Variants in LRRC66 observed in about 807,000 individuals in gnomAD.
The protein encoded by LRRC66 is leucine rich repeat containing 66.
In LRRC66, 29 loss-of-function variants were observed where a neutral mutation model predicts 24.6. That is an observed-to-expected ratio of 1.18 (90% CI 0.88 to 1.61). The LOEUF is 1.61. LRRC66 is among the 40% of genes most tolerant of loss of function. The probability of loss-of-function intolerance (pLI) is 0.00; values close to 1 mark genes in which losing one functional copy is unlikely to be tolerated. For missense variants in LRRC66, 1,124 were observed against 1,058.0 expected, an observed-to-expected ratio of 1.06 and a Z score of -0.87; for synonymous variants, 411 against 397.6, an observed-to-expected ratio of 1.03 and a Z score of -0.40.
chr4:51,996,088 G>T lies in LRRC66; in HGVS notation c.934C>A (p.Arg312Ser). The T allele has an allele frequency of 3.7e-6, 6 of 1,614,040 alleles. No individual in the cohort carries two copies. Among genetic ancestry groups the T allele is most frequent in the South Asian group, 1.1e-5 (1 of 91,068 alleles). ...ETRLPPIHLH[R>S]MKSLIRSKAE... ...TTGCTCCTTATGAGGCTTTTCATGC[G>T]ATGCAGATGAATGGGAGGAAGGCGG... The change falls in exon 5 of 5, where the codon CGC becomes AGC. Residue 312 changes from arginine (R) to serine (S), a missense_variant. Transcript: ENST00000682860.
Position 51,994,897 on chromosome 4 carries a change from A to AC in LRRC66, c.2124dup (p.Ser709ValfsTer18), listed in dbSNP as rs757198076. On this transcript the variant is annotated frameshift_variant, in exon 5 of 5. Coordinates refer to ENST00000682860, the MANE Select transcript of LRRC66 (RefSeq NM_001024611.3). LOFTEE classifies it low-confidence loss of function (END_TRUNC). ...CTTATGGAGCTCAGAGTGAACAGAG[A>AC]CCCCTCATCAGAGTCACAGTCACTC... The AC allele has an allele frequency of 2.4e-5, 39 of 1,614,020 alleles. No individual in the cohort carries two copies. Among genetic ancestry groups the AC allele is most frequent in the Admixed American group, 3.3e-5 (2 of 60,014 alleles).
In LRRC66 at chr4:51,995,609, A is replaced by G. The variant is rs1282118208; in HGVS notation, c.1413T>C (p.Pro471=). The change falls in exon 5 of 5, where the codon CCT becomes CCC. Residue 471 remains proline, a synonymous_variant. Coordinates refer to ENST00000682860, the MANE Select transcript of LRRC66 (RefSeq NM_001024611.3). The part of the protein sequence containing the change: ...TQPHPHATVI[P]DRTLGRSRKD... ...TTCTGCTCCTTCCCAGAGTTCTATC[A>G]GGAATTACGGTGGCGTGTGGGTGTG... is the stretch of plus-strand genomic sequence containing the variant. 12 of 1,613,906 alleles carry G rather than the reference A, an allele frequency of 7.4e-6. No homozygotes were observed. The highest frequency in any genetic ancestry group is 9.3e-6 in the Non-Finnish European group (11 of 1,179,996).
chr4:51,998,260 C>T lies in LRRC66; in HGVS notation c.667-323G>A, dbSNP rs533076067. ...CCTTCTTTCCTGAGTGTAATTTGTA[C>T]TGTTAAATAAAACCTAGATACTCAT... On this transcript the variant is annotated intron_variant, in intron 3 of 4. Coordinates refer to ENST00000682860, the MANE Select transcript of LRRC66 (RefSeq NM_001024611.3). Among the ~76,000 whole-genome samples the T allele has an allele frequency of 5.3e-5, 8 of 152,192 alleles. No individual in the cohort carries two copies. In the South Asian group the frequency reaches 8.3e-4, roughly 16 times the overall value.
rs546272034 is a variant in LRRC66 at position 51,994,633 on chromosome 4, C to T, written c.2389G>A (p.Asp797Asn). 1 of 1,607,536 alleles carries T rather than the reference C, an allele frequency of 6.2e-7. No individual in the cohort carries two copies. Among genetic ancestry groups the T allele is most frequent in the Non-Finnish European group, 8.5e-7 (1 of 1,174,708 alleles). ...KTHLENASDT[D>N]RSEGLSPWPR... ...CAGGGTGACAGGCCCTCAGATCTAT[C>T]AGTGTCAGAGGCATTTTCCAGATGA... Residue 797 changes from aspartate (D) to asparagine (N), a missense_variant, in exon 5 of 5, where the codon GAT becomes AAT. Coordinates refer to ENST00000682860, the MANE Select transcript of LRRC66 (RefSeq NM_001024611.3).
rs1222572570 is a variant in LRRC66, at chr4:51,995,832, G to C, written c.1190C>G (p.Thr397Arg). 3 of 1,614,034 alleles carry C rather than the reference G, an allele frequency of 1.9e-6. No individual in the cohort carries two copies. Among genetic ancestry groups the C allele is most frequent in the Non-Finnish European group, 2.5e-6 (3 of 1,180,034 alleles). Residue 397 changes from threonine to arginine, a missense_variant, in exon 5 of 5, where the codon ACA (threonine) becomes AGA (arginine). Thr to Arg is a moderately conservative substitution (Grantham distance 71). Coordinates refer to ENST00000682860, the MANE Select transcript of LRRC66 (RefSeq NM_001024611.3). ...FLVAFSLGAF[T>R]RPYVDRLWQK... ...CCACAGTCTGTCAACATAAGGCCTTGTGAAAGCCCCCAGGCTGAAGGCGAC... is the reference window on the plus strand; with the variant it reads ...CCACAGTCTGTCAACATAAGGCCTTCTGAAAGCCCCCAGGCTGAAGGCGAC...
At chr4:52,012,642 G>A (rs892032146) in intron 2 of LRRC66, among the ~76,000 whole-genome samples, 14 of 152,276 alleles carry the variant, frequency 9.2e-5, no homozygotes, top group Admixed American at 2.6e-4. Context: ...GTGCATTCAC[G>A]GCTGGGGCTT....
At chr4:52,016,987 T>C (rs1736825619) in intron 2 of LRRC66, 131 bp downstream of exon 2, 3 of 985,342 alleles carry the variant, frequency 3.0e-6, no homozygotes, top group Admixed American at 5.1e-5. Context: ...AGAAACATTA[T>C]TATATGTGCT....
chr4:52,010,880 A>G (rs904546302), intron 2 of LRRC66, among the ~76,000 whole-genome samples: 2 of 152,328 alleles, frequency 1.3e-5, no homozygotes, highest in South Asian at 4.1e-4. Context: ...TGAACTTTTA[A>G]TATATACAAC....
rs760813747 is a variant in LRRC66, at chr4:52,017,228, A to G, written c.386T>C (p.Leu129Pro). 4 of 1,614,160 alleles carry G rather than the reference A, an allele frequency of 2.5e-6. No homozygotes were observed. Among genetic ancestry groups the G allele is most frequent in the Non-Finnish European group, 3.4e-6 (4 of 1,180,008 alleles). The change falls in exon 2 of 5, where the codon CTC (leucine) becomes CCC (proline). Residue 129 changes from leucine (L) to proline (P), a missense_variant. Physicochemically the swap from Leu to Pro is moderately conservative, Grantham distance 98. Coordinates refer to ENST00000682860, the MANE Select transcript of LRRC66 (RefSeq NM_001024611.3). ...NAIHSLSLDL[L>P]SPKSSWVKRH... ...TTTCACCCATGAGGACTTAGGACTG[A>G]GTAGATCCAATGAGAGGGAGTGGAT...
chr4:51,994,162 T>TC lies in LRRC66; in HGVS notation c.*216dup. The TC allele has an allele frequency of 2.0e-6, 1 of 508,254 alleles. No individual in the cohort carries two copies. The highest frequency in any genetic ancestry group is 3.4e-6 in the Non-Finnish European group (1 of 296,644). The allele number at this position is 508,254 out of a possible 1,614,324, so 31.5% of individuals were successfully genotyped here. A position where few individuals can be genotyped will look rare whatever the true frequency, so the allele number is the denominator to read the frequency against. Reference sequence around the variant, plus strand: ...TCTTTCACACTGAAGAGCAGGTTCATCCCCATAGGATGTTAACAAGTGTGT... The same window carrying TC: ...TCTTTCACACTGAAGAGCAGGTTCATCCCCCATAGGATGTTAACAAGTGTGT... On this transcript the variant is annotated 3_prime_UTR_variant, in exon 5 of 5. Transcript: ENST00000682860.
Position 51,997,816 on chromosome 4 carries a change from G to T in LRRC66, c.788C>A (p.Ala263Glu), listed in dbSNP as rs758078779. ...TTCAGAAATAAAATTTTGAAAGACT[G>T]CCACACTATCATCACACTGCCAGTT... ...DNNWQCDDSVAVFQNFISESW... is the reference protein window; with the variant it reads ...DNNWQCDDSVEVFQNFISESW... The change falls in exon 4 of 5, where the codon GCA becomes GAA. Residue 263 changes from alanine to glutamate, a missense_variant. By Grantham distance (107) the Ala-to-Glu change is moderately radical. Transcript: ENST00000682860. 3.1e-6 allele frequency: 5 copies of T among 1,614,056 alleles called. No homozygotes were observed. The highest frequency in any genetic ancestry group is 4.2e-6 in the Non-Finnish European group (5 of 1,179,986).
Position 52,017,171 on chromosome 4 carries a change from G to A in LRRC66, c.443C>T (p.Pro148Leu). 2 of 1,614,074 alleles carry A rather than the reference G, an allele frequency of 1.2e-6. No individual in the cohort carries two copies. The highest frequency in any genetic ancestry group is 1.7e-6 in the Non-Finnish European group (2 of 1,179,968). Reference protein sequence around the residue: ...RHRSSFRNRFPLLKVLILQRN... With the variant: ...RHRSSFRNRFLLLKVLILQRN... ...TTGAAGAATGAGCACCTTCAGCAAT[G>A]GAAACCTGTTTCTGAAGCTGCTTCT... The change falls in exon 2 of 5, where the codon CCA (proline) becomes CTA (leucine). Residue 148 changes from proline to leucine, a missense_variant. By Grantham distance (98) the Pro-to-Leu change is moderately conservative (BLOSUM62 -3). Transcript: ENST00000682860.
intron 1 of LRRC66, among the ~76,000 whole-genome samples, chr4:52,019,591 T>G (rs1157737489): frequency 3.3e-5 from 5 of 152,204 alleles, no homozygotes; most frequent in African/African-American, 1.2e-4. Flanking sequence ...AAAGGTAGCC[T>G]ACAGCATGGA....
Position 52,016,751 on chromosome 4 carries a change from G to A in LRRC66, c.496+367C>T, listed in dbSNP as rs182208947. 8.3e-4 allele frequency among the ~76,000 whole-genome samples: 126 copies of A among 152,148 alleles called. 1 individual carries two copies. The highest frequency in any genetic ancestry group is 1.5e-3 in the South Asian group (7 of 4,824). On this transcript the variant is annotated intron_variant, in intron 2 of 4. Coordinates refer to ENST00000682860, the MANE Select transcript of LRRC66 (RefSeq NM_001024611.3). ...AATATGGCAACATTTAATTTGAATT[G>A]TATTACATATTAAATGTATTTGAAC...
chr4:52,018,326 TAAA>T (rs1422339867), intron 1 of LRRC66: 1 of 984,748 alleles, frequency 1.0e-6, no homozygotes, highest in African/African-American at 1.7e-5. Flanking sequence ...TCAAAGTTTT[TAAA>T]AAGAAGTGTG....
Position 51,994,664 on chromosome 4 carries a change from G to T in LRRC66, c.2358C>A (p.Tyr786Ter), listed in dbSNP as rs2110189123. The T allele has an allele frequency of 6.2e-7, 1 of 1,614,136 alleles. No individual in the cohort carries two copies. The highest frequency in any genetic ancestry group is 8.5e-7 in the Non-Finnish European group (1 of 1,180,028). ...CAGAGGCATTTTCCAGATGAGTCTT[G>T]TACATGCCAGAGTCTGGAGCAGAAA... ...PLISAPDSGM[Y>*]KTHLENASDT... The change falls in exon 5 of 5, where the codon TAC becomes TAA. Residue 786 changes from tyrosine (Y) to a stop codon, truncating the protein, a stop_gained. Transcript: ENST00000682860. LOFTEE classifies it low-confidence loss of function (END_TRUNC).
At chr4:52,011,728 A>G (rs1432629020) in intron 2 of LRRC66, among the ~76,000 whole-genome samples, 3 of 152,182 alleles carry the variant, frequency 2.0e-5, no homozygotes, top group African/African-American at 4.8e-5. Context: ...TCATCACTCT[A>G]TGTGTTATAG....
At position 52,017,605 on chromosome 4, in the gene LRRC66, G is replaced by A; in HGVS notation, c.9C>T (p.Asn3=). MK[N]LYFRVITIVI... is the part of the protein sequence containing the mutation. ...CTATGGTAATGACTCTGAAATAGAG[G>A]TTTTTCATAATGCCTGGAAAAAGGA... The change falls in exon 2 of 5, where the codon AAC becomes AAT. Residue 3 remains asparagine, a synonymous_variant. Transcript: ENST00000682860. 1 of 1,550,504 alleles carries A rather than the reference G, an allele frequency of 6.4e-7. No homozygotes were observed. The highest frequency in any genetic ancestry group is 1.8e-4 in the Middle Eastern group (1 of 5,620).
intron 2 of LRRC66, among the ~76,000 whole-genome samples, chr4:52,012,269 T>C (rs1000361763): frequency 2.6e-5 from 4 of 152,128 alleles, no homozygotes; most frequent in Admixed American, 2.6e-4. Context: ...GATTTTGATT[T>C]TGAATGCAGT....
Sources: allele counts gnomAD v4.1 joint callset (sites outside exome capture counted in the v4.1 genomes callset), GRCh38; gene constraint gnomAD v4.1.1; transcripts MANE v1.5; gene names NCBI Gene and HGNC (gene_info 2026-07-23, HGNC 2026-07-21).